Variants in SGMS1 observed in about 807,000 individuals in gnomAD.
SGMS1 encodes sphingomyelin synthase 1.
Under a neutral mutation model 46.2 loss-of-function variants are expected in SGMS1, and 13 were observed. The observed-to-expected ratio is 0.28, with a 90% CI of 0.18 to 0.45. The LOEUF is 0.45. Among genes scored for constraint, SGMS1 ranks in the 20% least tolerant of loss-of-function variants. The probability of loss-of-function intolerance (pLI) is 1.00; values close to 1 mark genes in which losing one functional copy is unlikely to be tolerated. For synonymous variants in SGMS1, 203 were observed against 187.8 expected (o/e 1.08, Z -0.66); for missense variants, 324 against 519.9 (o/e 0.62, Z 3.66).
At chr10:50,512,088 A>G (rs1292967057) in intron 3 of SGMS1, among the ~76,000 whole-genome samples, 1 of 152,194 alleles carries the variant, frequency 6.6e-6, no homozygotes, top group Non-Finnish European at 1.5e-5. Flanking sequence ...ATTGTGAAAC[A>G]GATGGGTCAT....
At chr10:50,534,275 T>A (rs768838043) in intron 2 of SGMS1, among the ~76,000 whole-genome samples, 4 of 152,208 alleles carry the variant, frequency 2.6e-5, no homozygotes, top group Non-Finnish European at 5.9e-5. Context: ...TATTCATCTA[T>A]CATTTGCATA....
At chr10:50,341,181 A>T in intron 7 of SGMS1, 1 of 346,554 alleles carries the variant, frequency 2.9e-6, no homozygotes, top group South Asian at 2.3e-5. Flanking sequence ...ATAACTAGAA[A>T]CAAAGGGTCC....
At chr10:50,483,082 G>GT (rs1328322396) in intron 3 of SGMS1, among the ~76,000 whole-genome samples, 7 of 152,114 alleles carry the variant, frequency 4.6e-5, no homozygotes, top group Admixed American at 3.9e-4. Flanking sequence ...GGGGTTTTTT[G>GT]TTTTTTGTGT....
At chr10:50,484,988 G>T (rs1005446205) in intron 3 of SGMS1, among the ~76,000 whole-genome samples, 1 of 152,162 alleles carries the variant, frequency 6.6e-6, no homozygotes, top group Admixed American at 6.5e-5. Context: ...ACCAGCACAA[G>T]ACAAGGATGC....
chr10:50,327,992 A>T, intron 7 of SGMS1: 1 of 339,192 alleles, frequency 2.9e-6, no homozygotes, highest in Non-Finnish European at 5.5e-6. Flanking sequence ...ACCATATAGT[A>T]GGTACAAATG....
At chr10:50,348,225 T>C (rs1271611033) in intron 6 of SGMS1, among the ~76,000 whole-genome samples, 3 of 152,230 alleles carry the variant, frequency 2.0e-5, no homozygotes, top group Non-Finnish European at 4.4e-5. Flanking sequence ...GGACAAATGC[T>C]GGAAGCATTC....
chr10:50,341,208 G>C (rs1022724990), intron 7 of SGMS1: 2 of 388,256 alleles, frequency 5.2e-6, no homozygotes, highest in African/African-American at 2.1e-5. Flanking sequence ...TACTACAAAA[G>C]ATTTTAACCT....
At position 50,308,156 on chromosome 10, in the gene SGMS1, G is replaced by T. The variant is rs76225070; in HGVS notation, c.896-8C>A. 6.3e-3 allele frequency: 10,189 copies of T among 1,611,028 alleles called. 40 individuals are homozygous for T. The highest frequency in any genetic ancestry group is 7.7e-3 in the Non-Finnish European group (9,055 of 1,178,170). ...AGAGTCGCCGAGGGGAATCTGAAAG[G>T]GGGAGAGATTTGCAATAGTCCCATT... On this transcript the variant is annotated splice_polypyrimidine_tract_variant and splice_region_variant and intron_variant, in intron 9 of 10. Coordinates refer to ENST00000361781, the MANE Select transcript of SGMS1 (RefSeq NM_147156.4).
chr10:50,444,088 G>A (rs1425831569), intron 5 of SGMS1, among the ~76,000 whole-genome samples: 1 of 151,974 alleles, frequency 6.6e-6, no homozygotes. Context: ...TAAAGGATAA[G>A]ACATATAGGA....
chr10:50,332,718 G>A (rs1263702147), intron 7 of SGMS1, among the ~76,000 whole-genome samples: 1 of 147,650 alleles, frequency 6.8e-6, no homozygotes, highest in East Asian at 2.1e-4. Flanking sequence ...CATCTCCCGG[G>A]CTCAAGCAAT....
intron 3 of SGMS1, among the ~76,000 whole-genome samples, chr10:50,488,584 T>A (rs569705498): frequency 1.3e-5 from 2 of 152,222 alleles, no homozygotes; most frequent in Admixed American, 1.3e-4. Flanking sequence ...ACAAAATGAG[T>A]CAATATTCCA....
intron 2 of SGMS1, among the ~76,000 whole-genome samples, chr10:50,535,808 G>A (rs1020605591): frequency 2.0e-5 from 3 of 152,116 alleles, no homozygotes; most frequent in African/African-American, 4.8e-5. Context: ...GCCACTTTTG[G>A]GGGAGAGGGG....
At chr10:50,374,542 C>T (rs974295086) in intron 6 of SGMS1, among the ~76,000 whole-genome samples, 1 of 151,858 alleles carries the variant, frequency 6.6e-6, no homozygotes, top group Non-Finnish European at 1.5e-5. Context: ...TGTTTCTACC[C>T]TTGCCTCTTT....
chr10:50,317,757 T>G (rs1847367194), intron 8 of SGMS1, among the ~76,000 whole-genome samples: 1 of 152,170 alleles, frequency 6.6e-6, no homozygotes, highest in African/African-American at 2.4e-5. Flanking sequence ...AAGCTTAGTT[T>G]TTATTTAAAT....
intron 6 of SGMS1, among the ~76,000 whole-genome samples, chr10:50,347,034 A>C (rs1290723215): frequency 1.3e-5 from 2 of 152,168 alleles, no homozygotes; most frequent in Non-Finnish European, 2.9e-5. Flanking sequence ...AGTGGCAATA[A>C]TAGCTTTTAA....
intron 5 of SGMS1, among the ~76,000 whole-genome samples, chr10:50,460,343 T>G (rs1389149866): frequency 1.3e-5 from 2 of 152,186 alleles, no homozygotes; most frequent in Non-Finnish European, 2.9e-5. Context: ...AGCTTTGACA[T>G]TGACTGCTCT....
At chr10:50,577,656 A>T (rs900798920) in intron 2 of SGMS1, among the ~76,000 whole-genome samples, 1 of 152,186 alleles carries the variant, frequency 6.6e-6, no homozygotes, top group Non-Finnish European at 1.5e-5. Flanking sequence ...TATTTAGGAA[A>T]CCTCTGAATC....
chr10:50,431,042 T>C (rs1366215325), intron 6 of SGMS1, among the ~76,000 whole-genome samples: 1 of 152,202 alleles, frequency 6.6e-6, no homozygotes. Flanking sequence ...AGGCCCATTC[T>C]GTTAAGAGAG....
upstream of SGMS1, chr10:50,624,817 C>T (rs1838904913): frequency 6.1e-6 from 6 of 986,382 alleles, no homozygotes; most frequent in Non-Finnish European, 6.0e-6. Flanking sequence ...CTGGCCGGCC[C>T]GCGCCGCACC....
Sources: allele counts gnomAD v4.1 joint callset (sites outside exome capture counted in the v4.1 genomes callset), GRCh38; gene constraint gnomAD v4.1.1; transcripts MANE v1.5; gene names NCBI Gene and HGNC (gene_info 2026-07-23, HGNC 2026-07-21).